Variants in TRAPPC9 observed in about 807,000 individuals in gnomAD.
The protein encoded by TRAPPC9 is trafficking protein particle complex subunit 9.
Under a neutral mutation model 124.0 loss-of-function variants are expected in TRAPPC9, and 83 were observed. The ratio of observed to expected loss-of-function variants is 0.67; its 90% CI spans 0.56 to 0.80. The LOEUF (loss-of-function observed/expected upper bound fraction) is 0.80, where lower values mean the gene tolerates loss of function less well. TRAPPC9 is among the 30% of genes least tolerant of loss of function. TRAPPC9 has a pLI of 0.00. For missense variants in TRAPPC9, 1,302 were observed against 1,508.3 expected (o/e 0.86, Z 2.27); for synonymous variants, 638 against 617.5 (o/e 1.03, Z -0.49).
chr8:140,282,966 G>A (rs28393027), intron 14 of TRAPPC9, among the ~76,000 whole-genome samples: 5,991 of 152,128 alleles, frequency 0.039, 214 homozygotes, highest in African/African-American at 0.099. Context: ...GGCTGAGCAC[G>A]GTGGCTCACA....
chr8:140,429,458 T>A (rs1325830810), intron 4 of TRAPPC9, among the ~76,000 whole-genome samples: 1 of 49,150 alleles, frequency 2.0e-5, no homozygotes, highest in Non-Finnish European at 7.4e-5. Context: ...CCTCAACCTG[T>A]CTATGCCTCA....
At chr8:139,756,839 A>G (rs1164212435) in intron 21 of TRAPPC9, among the ~76,000 whole-genome samples, 2 of 123,180 alleles carry the variant, frequency 1.6e-5, no homozygotes, top group Admixed American at 8.1e-5. Flanking sequence ...TGAGGACAGC[A>G]TGTCGCAGGA....
At chr8:140,408,996 C>A (rs193194629) in intron 5 of TRAPPC9, among the ~76,000 whole-genome samples, 8 of 151,996 alleles carry the variant, frequency 5.3e-5, no homozygotes, top group Non-Finnish European at 2.9e-5. Context: ...TATATTCAAC[C>A]ACATAAAAAC....
chr8:140,131,906 C>T (rs2130712306), intron 17 of TRAPPC9, among the ~76,000 whole-genome samples: 1 of 152,340 alleles, frequency 6.6e-6, no homozygotes, highest in South Asian at 2.1e-4. Context: ...TTGGAGTCAG[C>T]CCTCTTCCCA....
intron 21 of TRAPPC9, among the ~76,000 whole-genome samples, chr8:139,835,763 A>T (rs1323274993): frequency 2.7e-5 from 4 of 149,514 alleles, no homozygotes; most frequent in Non-Finnish European, 4.4e-5. Flanking sequence ...AAAGCTGAAG[A>T]TTAAAAAACA....
chr8:140,147,203 C>G (rs571465454), intron 17 of TRAPPC9, among the ~76,000 whole-genome samples: 1 of 152,242 alleles, frequency 6.6e-6, no homozygotes, highest in African/African-American at 2.4e-5. Context: ...CTTCTTAGAA[C>G]GCACACGTTA....
chr8:140,121,275 T>C (rs753372027), intron 17 of TRAPPC9, among the ~76,000 whole-genome samples: 5 of 152,136 alleles, frequency 3.3e-5, no homozygotes, highest in African/African-American at 9.7e-5. Flanking sequence ...GACAGAACAG[T>C]GTGATCAGAA....
intron 21 of TRAPPC9, among the ~76,000 whole-genome samples, chr8:139,810,120 A>G (rs545546969): frequency 6.6e-6 from 1 of 152,284 alleles, no homozygotes; most frequent in East Asian, 1.9e-4. Flanking sequence ...GCCAGAATAC[A>G]TATGATATGA....
At chr8:140,373,713 A>G (rs961080393) in intron 7 of TRAPPC9, among the ~76,000 whole-genome samples, 2 of 152,106 alleles carry the variant, frequency 1.3e-5, no homozygotes, top group East Asian at 1.9e-4. Context: ...GCATATGAGG[A>G]TATCAGTCTT....
chr8:140,341,964 G>A (rs1329547909), intron 9 of TRAPPC9, among the ~76,000 whole-genome samples: 1 of 152,230 alleles, frequency 6.6e-6, no homozygotes, highest in Non-Finnish European at 1.5e-5. Context: ...GAAGATTGCT[G>A]CAGATAAACA....
chr8:140,128,969 T>TA (rs139243477), intron 17 of TRAPPC9, among the ~76,000 whole-genome samples: 5 of 141,258 alleles, frequency 3.5e-5, no homozygotes, highest in African/African-American at 1.0e-4. Context: ...TAAACTATAA[T>TA]AAAATATATA....
chr8:140,455,320 A>G (rs1394899612), intron 1 of TRAPPC9, among the ~76,000 whole-genome samples: 1 of 149,056 alleles, frequency 6.7e-6, no homozygotes, highest in East Asian at 2.0e-4. Context: ...TTCCGTGGAG[A>G]TAGGGTTTTG....
At chr8:139,973,150 C>A (rs1414145057) in intron 19 of TRAPPC9, among the ~76,000 whole-genome samples, 1 of 152,250 alleles carries the variant, frequency 6.6e-6, no homozygotes, top group African/African-American at 2.4e-5. Flanking sequence ...CCTGCATAGA[C>A]AAACGTTTAG....
chr8:140,352,904 C>T (rs900712373), intron 9 of TRAPPC9, among the ~76,000 whole-genome samples: 1 of 152,150 alleles, frequency 6.6e-6, no homozygotes, highest in Non-Finnish European at 1.5e-5. Context: ...AAGGAGCTGG[C>T]GTCCAGGTCC....
chr8:139,942,423 A>T (rs1020843102), intron 19 of TRAPPC9, among the ~76,000 whole-genome samples: 4 of 152,206 alleles, frequency 2.6e-5, no homozygotes. Context: ...CTTCTAATGG[A>T]GGCAAGATGC....
intron 16 of TRAPPC9, among the ~76,000 whole-genome samples, chr8:140,249,223 C>A (rs2064065984): frequency 6.6e-6 from 1 of 152,132 alleles, no homozygotes; most frequent in South Asian, 2.1e-4. Context: ...TTGCTGCCAC[C>A]TTTATGTCTG....
At chr8:140,327,181 A>G (rs6982200) in intron 9 of TRAPPC9, among the ~76,000 whole-genome samples, 78,298 of 151,822 alleles carry the variant, frequency 0.52, 20,240 homozygotes, top group East Asian at 0.65. Flanking sequence ...TGAACCTGGG[A>G]GGCGGAGGTT....
intron 20 of TRAPPC9, among the ~76,000 whole-genome samples, chr8:139,888,052 A>G (rs149757470): frequency 8.2e-4 from 125 of 152,316 alleles, no homozygotes; most frequent in African/African-American, 2.8e-3. Flanking sequence ...TTCACTGCTC[A>G]GGGTCTTCTT....
At chr8:140,288,003 G>A (rs547174622) in intron 12 of TRAPPC9, among the ~76,000 whole-genome samples, 1 of 152,226 alleles carries the variant, frequency 6.6e-6, no homozygotes, top group South Asian at 2.1e-4. Flanking sequence ...TACCAAATGG[G>A]AATGTGAACA....
Sources: gnomAD v4.1 joint callset for allele counts (sites outside exome capture counted in the v4.1 genomes callset) on GRCh38, gnomAD v4.1.1 for gene constraint, MANE v1.5 for transcripts, NCBI Gene and HGNC (gene_info 2026-07-23, HGNC 2026-07-21) for gene names.